Variants in SGCD observed in about 807,000 individuals in gnomAD.
SGCD encodes the protein delta-sarcoglycan.
In SGCD, 18 loss-of-function variants were observed where a neutral mutation model predicts 36.6. The observed-to-expected ratio is 0.49, with a 90% CI of 0.34 to 0.73. The LOEUF is 0.73. Among genes scored for constraint, SGCD ranks in the 30% least tolerant of loss-of-function variants. The pLI is 0.01. For synonymous variants in SGCD, 133 were observed against 130.6 expected (o/e 1.02, Z -0.12); for missense variants, 387 against 346.7 (o/e 1.12, Z -0.92).
chr5:156,188,631 C>T (rs1763817639), intron 3 of SGCD, among the ~76,000 whole-genome samples: 1 of 151,418 alleles, frequency 6.6e-6, no homozygotes, highest in Admixed American at 6.6e-5. Context: ...CTTTGACATG[C>T]TGAAGAAGCC....
upstream of SGCD, among the ~76,000 whole-genome samples, chr5:156,324,648 T>C (rs1767758327): frequency 6.6e-6 from 1 of 152,216 alleles, no homozygotes; most frequent in African/African-American, 2.4e-5. Context: ...TCGTGAATCA[T>C]ATCAGCATTG....
intron 3 of SGCD, among the ~76,000 whole-genome samples, chr5:156,141,031 C>T (rs1264804488): frequency 6.6e-6 from 1 of 152,156 alleles, no homozygotes; most frequent in African/African-American, 2.4e-5. Context: ...TTCCTGAATT[C>T]CAGCACACTG....
chr5:156,018,310 C>CATCATTAA (rs1759028390), intron 1 of SGCD, among the ~76,000 whole-genome samples: 1 of 151,980 alleles, frequency 6.6e-6, no homozygotes, highest in South Asian at 2.1e-4. Flanking sequence ...TACAAATATC[C>CATCATTAA]GCTAGTGTCT....
chr5:156,073,952 GGAA>G (rs1444562725), intron 1 of SGCD, among the ~76,000 whole-genome samples: 1 of 152,186 alleles, frequency 6.6e-6, no homozygotes, highest in Non-Finnish European at 1.5e-5. Context: ...GCCATTTCAT[GGAA>G]GAAGGACAAC....
At chr5:156,123,701 C>G (rs914992594) in intron 2 of SGCD, among the ~76,000 whole-genome samples, 9 of 152,260 alleles carry the variant, frequency 5.9e-5, no homozygotes, top group Non-Finnish European at 8.8e-5. Context: ...TCAGTCAAGA[C>G]TGAATCCATT....
At chr5:155,825,118 G>A in the SGCD span, among the ~76,000 whole-genome samples, 1 of 152,104 alleles carries the variant, frequency 6.6e-6, no homozygotes, top group Non-Finnish European at 1.5e-5. Context: ...TGATTCTAGT[G>A]GCACCAAGAT....
intron 2 of SGCD, among the ~76,000 whole-genome samples, chr5:156,119,066 A>G (rs969356374): frequency 1.3e-5 from 2 of 152,144 alleles, no homozygotes; most frequent in Admixed American, 1.3e-4. Context: ...TATACAATCC[A>G]TGTAGCTCAT....
intron 1 of SGCD, among the ~76,000 whole-genome samples, chr5:155,886,709 A>G (rs953380255): frequency 1.3e-5 from 2 of 152,210 alleles, no homozygotes; most frequent in African/African-American, 2.4e-5. Flanking sequence ...AATAAAGACA[A>G]GTTCAGGATG....
intron 3 of SGCD, among the ~76,000 whole-genome samples, chr5:156,251,048 G>A (rs912677763): frequency 7.9e-5 from 12 of 152,122 alleles, no homozygotes; most frequent in Non-Finnish European, 1.5e-4. Context: ...AAGTTAAAAT[G>A]TTATTAAAAT....
At chr5:155,738,322 C>G in the SGCD span, among the ~76,000 whole-genome samples, 1 of 152,158 alleles carries the variant, frequency 6.6e-6, no homozygotes, top group Non-Finnish European at 1.5e-5. Flanking sequence ...TCCCTGATCC[C>G]AAGTCCTTAA....
intron 1 of SGCD, among the ~76,000 whole-genome samples, chr5:155,984,454 T>G (rs552602039): frequency 6.6e-6 from 1 of 152,262 alleles, no homozygotes; most frequent in Non-Finnish European, 1.5e-5. Flanking sequence ...TATCATTTCA[T>G]GTACATGACC....
the SGCD span, among the ~76,000 whole-genome samples, chr5:155,862,330 C>T: frequency 4.6e-5 from 7 of 151,886 alleles, no homozygotes; most frequent in East Asian, 3.9e-4. Flanking sequence ...ATTAGGATTT[C>T]GGTACTAAAA....
intron 7 of SGCD, among the ~76,000 whole-genome samples, chr5:156,701,015 C>A (rs1267001350): frequency 1.3e-5 from 2 of 151,744 alleles, no homozygotes; most frequent in Admixed American, 6.6e-5. Flanking sequence ...CTTGCAATCA[C>A]CTCATTTATC....
chr5:155,864,258 A>G, the SGCD span, among the ~76,000 whole-genome samples: 1 of 152,210 alleles, frequency 6.6e-6, no homozygotes, highest in Non-Finnish European at 1.5e-5. Flanking sequence ...CGGTTAGTTC[A>G]GAGAGGTGAT....
chr5:155,957,631 G>T (rs1757690421), intron 1 of SGCD, among the ~76,000 whole-genome samples: 1 of 152,100 alleles, frequency 6.6e-6, no homozygotes, highest in Non-Finnish European at 1.5e-5. Context: ...AGTGGGCCAA[G>T]TCCTCTTCAG....
At chr5:156,059,368 C>CAAGAACT (rs1475842842) in intron 1 of SGCD, among the ~76,000 whole-genome samples, 5 of 146,480 alleles carry the variant, frequency 3.4e-5, no homozygotes, top group African/African-American at 1.2e-4. Flanking sequence ...TCTCAGCCTC[C>CAAGAACT]AAGAACTAAG....
chr5:156,289,349 G>T (rs1020080846), intron 3 of SGCD, among the ~76,000 whole-genome samples: 1 of 151,922 alleles, frequency 6.6e-6, no homozygotes, highest in Non-Finnish European at 1.5e-5. Context: ...AGAATGTGCA[G>T]GTTTGTTACA....
the SGCD span, among the ~76,000 whole-genome samples, chr5:155,836,499 TCTTTTC>T: frequency 4.5e-3 from 482 of 106,186 alleles, 2 homozygotes; most frequent in Admixed American, 7.9e-3. Context: ...TCCAGCCATC[TCTTTTC>T]AAGTTTTATC....
In SGCD at chr5:156,450,813, G is replaced by A. The variant is rs939091069; in HGVS notation, c.193-57788G>A. 2.0e-5 allele frequency among the ~76,000 whole-genome samples: 3 copies of A among 152,080 alleles called. No individual in the cohort carries two copies. In the East Asian group the frequency reaches 5.8e-4, roughly 29 times the overall value. ...AGAAACAAATTAAATCAGCGTGTGT[G>A]TTTGTATGTATGTGCATGTATGCGT... On this transcript the variant is annotated intron_variant, in intron 3 of 8. Coordinates refer to ENST00000337851, the MANE Select transcript of SGCD (RefSeq NM_000337.6).
Sources: allele counts gnomAD v4.1 joint callset (sites outside exome capture counted in the v4.1 genomes callset), GRCh38; gene constraint gnomAD v4.1.1; transcripts MANE v1.5; gene names NCBI Gene and HGNC (gene_info 2026-07-23, HGNC 2026-07-21).